IMMP2L: variants seen among roughly 807,000 people sequenced by gnomAD.
The protein encoded by IMMP2L is inner mitochondrial membrane peptidase subunit 2, also known as mitochondrial inner membrane protease subunit 2.
A neutral mutation model predicts 19.3 loss-of-function variants in IMMP2L; 18 were observed. That is an observed-to-expected ratio of 0.93 (90% CI 0.64 to 1.38). IMMP2L has a LOEUF of 1.38. Ranked by LOEUF, IMMP2L falls within the 40% of genes most tolerant of loss-of-function variation. The pLI, the probability that IMMP2L is intolerant of heterozygous loss-of-function variation, is 0.00. For synonymous variants in IMMP2L, 76 were observed against 73.0 expected (o/e 1.04, Z -0.21); for missense variants, 233 against 218.2 (o/e 1.07, Z -0.43).
At chr7:110,799,030 A>C (rs1375254095) in intron 5 of IMMP2L, among the ~76,000 whole-genome samples, 1 of 151,994 alleles carries the variant, frequency 6.6e-6, no homozygotes, top group African/African-American at 2.4e-5. Context: ...ATGTCAGTTA[A>C]GCTTGTTGTT....
chr7:111,458,057 T>G (rs1019997987), intron 3 of IMMP2L, among the ~76,000 whole-genome samples: 5 of 152,116 alleles, frequency 3.3e-5, no homozygotes, highest in Non-Finnish European at 7.4e-5. Flanking sequence ...AAAGTGGTTT[T>G]TAAAGAGTCA....
chr7:110,938,175 T>C (rs1274567682), intron 4 of IMMP2L, among the ~76,000 whole-genome samples: 1 of 152,080 alleles, frequency 6.6e-6, no homozygotes, highest in African/African-American at 2.4e-5. Flanking sequence ...GGATCTACCA[T>C]CCTTAAAAGG....
At chr7:110,857,196 C>T (rs2131566503) in intron 5 of IMMP2L, among the ~76,000 whole-genome samples, 2 of 152,158 alleles carry the variant, frequency 1.3e-5, no homozygotes, top group Middle Eastern at 3.4e-3. Flanking sequence ...CATCAGTAAT[C>T]CAAGTACTGG....
chr7:110,816,010 T>G (rs1384725371), intron 5 of IMMP2L, among the ~76,000 whole-genome samples: 1 of 152,148 alleles, frequency 6.6e-6, no homozygotes, highest in African/African-American at 2.4e-5. Context: ...TCTGCTAGCT[T>G]TTGAATGTGT....
At chr7:110,703,989 G>A (rs1794470656) in intron 5 of IMMP2L, among the ~76,000 whole-genome samples, 1 of 151,934 alleles carries the variant, frequency 6.6e-6, no homozygotes, top group Non-Finnish European at 1.5e-5. Flanking sequence ...GGGACTACAG[G>A]AGCCTGCCAC....
chr7:111,352,393 G>A (rs1228044701), intron 3 of IMMP2L, among the ~76,000 whole-genome samples: 1 of 137,086 alleles, frequency 7.3e-6, no homozygotes, highest in African/African-American at 2.8e-5. Flanking sequence ...TTTTTTGATA[G>A]AGATGGGGTA....
intron 3 of IMMP2L, among the ~76,000 whole-genome samples, chr7:110,973,402 T>A (rs1277834253): frequency 6.6e-6 from 1 of 152,028 alleles, no homozygotes; most frequent in Non-Finnish European, 1.5e-5. Flanking sequence ...CACAACCATA[T>A]CTCAACCTGT....
At chr7:111,276,609 G>GA (rs899292224) in intron 3 of IMMP2L, among the ~76,000 whole-genome samples, 312 of 50,808 alleles carry the variant, frequency 6.1e-3, no homozygotes, top group Non-Finnish European at 9.6e-3. Context: ...CACAGAATTA[G>GA]AAAAAAAAAA....
At chr7:110,670,689 C>CAAAAAAAAAA (rs376027021) in intron 5 of IMMP2L, among the ~76,000 whole-genome samples, 5 of 91,554 alleles carry the variant, frequency 5.5e-5, no homozygotes, top group Non-Finnish European at 8.3e-5. Flanking sequence ...GACTCCGTCT[C>CAAAAAAAAAA]AAAAAAAAAA....
At position 110,963,552 on chromosome 7, in the gene IMMP2L, G is replaced by A. The variant is rs1340373820; in HGVS notation, c.253C>T (p.Pro85Ser). 6.3e-7 allele frequency: 1 copy of A among 1,594,470 alleles called. No homozygotes were observed. Among genetic ancestry groups the A allele is most frequent in the East Asian group, 2.3e-5 (1 of 44,406 alleles). Residue 85 changes from proline (P) to serine (S), a missense_variant, in exon 4 of 6, where the codon CCA becomes TCA. By Grantham distance (74) the Pro-to-Ser change is moderately conservative (BLOSUM62 -1). Transcript: ENST00000405709. Reference sequence around the variant, plus strand: ...ACTCTCTTAATGATCTTCTGTTCTGGGTTTTTAGGAGACCTAGAACAAGAA... The same window carrying A: ...ACTCTCTTAATGATCTTCTGTTCTGAGTTTTTAGGAGACCTAGAACAAGAA... ...DIVSLVSPKN[P>S]EQKIIKRVIA...
At chr7:111,303,978 GA>G (rs943284676) in intron 3 of IMMP2L, among the ~76,000 whole-genome samples, 4 of 151,318 alleles carry the variant, frequency 2.6e-5, no homozygotes, top group African/African-American at 9.7e-5. Context: ...TATAGGAAAA[GA>G]AAAAAAACAT....
Position 111,204,004 on chromosome 7 carries a change from T to G in IMMP2L, c.240-240439A>C, listed in dbSNP as rs186903280. Among the ~76,000 whole-genome samples the G allele has an allele frequency of 9.9e-3, 1,506 of 152,274 alleles. 37 individuals are homozygous for G. The highest frequency in any genetic ancestry group is 0.035 in the African/African-American group (1,440 of 41,552). Reference sequence around the variant, plus strand: ...GCTGAATGGACTCACAAATCACTTATACTTTTAAAGTCTAACCATCCCAAT... The same window carrying G: ...GCTGAATGGACTCACAAATCACTTAGACTTTTAAAGTCTAACCATCCCAAT... On this transcript the variant is annotated intron_variant, in intron 3 of 5. Transcript: ENST00000405709.
intron 3 of IMMP2L, among the ~76,000 whole-genome samples, chr7:111,332,308 T>C (rs1006076690): frequency 3.3e-5 from 5 of 151,894 alleles, no homozygotes; most frequent in African/African-American, 1.2e-4. Context: ...GCGTGCATAA[T>C]ATTTATAATA....
intron 5 of IMMP2L, among the ~76,000 whole-genome samples, chr7:110,697,660 T>C (rs1192467378): frequency 6.6e-6 from 1 of 152,056 alleles, no homozygotes; most frequent in East Asian, 1.9e-4. Context: ...CTGGCTGTGG[T>C]GGTGCGGGCT....
chr7:110,989,913 T>G (rs1438170835), intron 3 of IMMP2L, among the ~76,000 whole-genome samples: 1 of 151,996 alleles, frequency 6.6e-6, no homozygotes, highest in African/African-American at 2.4e-5. Flanking sequence ...AGAAAAAAAT[T>G]CTGAGTATTT....
rs1423946619 is a variant in IMMP2L, at chr7:110,730,717, G to T, written c.409-66996C>A. ...TTTTTTTGTATTTTCAGTAGAGACGGGGTTTCACCGTTTTAGCCAGGATGT... is the reference window on the plus strand; with the variant it reads ...TTTTTTTGTATTTTCAGTAGAGACGTGGTTTCACCGTTTTAGCCAGGATGT... On this transcript the variant is annotated intron_variant, in intron 5 of 5. Transcript: ENST00000405709. Among the ~76,000 whole-genome samples the T allele has an allele frequency of 2.0e-5, 3 of 152,024 alleles. No individual in the cohort carries two copies. The East Asian group carries it at 5.8e-4, about 30-fold the overall frequency.
chr7:111,458,179 G>A (rs1839837608), intron 3 of IMMP2L, among the ~76,000 whole-genome samples: 1 of 152,088 alleles, frequency 6.6e-6, no homozygotes, highest in Non-Finnish European at 1.5e-5. Flanking sequence ...AGGAGTTTGT[G>A]ACTAGCCTGG....
intron 3 of IMMP2L, among the ~76,000 whole-genome samples, chr7:111,184,523 T>C (rs1808057539): frequency 6.6e-6 from 1 of 152,094 alleles, no homozygotes; most frequent in African/African-American, 2.4e-5. Context: ...GCCTTTTTCT[T>C]CTCTAGAGCT....
chr7:110,973,120 C>T (rs951115207), intron 3 of IMMP2L, among the ~76,000 whole-genome samples: 4 of 151,596 alleles, frequency 2.6e-5, no homozygotes, highest in Non-Finnish European at 5.9e-5. Flanking sequence ...TGACTCTAGT[C>T]AATAATAATG....
Sources: gnomAD v4.1 joint callset for allele counts (sites outside exome capture counted in the v4.1 genomes callset) on GRCh38, gnomAD v4.1.1 for gene constraint, MANE v1.5 for transcripts, NCBI Gene and HGNC (gene_info 2026-07-23, HGNC 2026-07-21) for gene names.